EVA1C: variants seen among roughly 807,000 people sequenced by gnomAD.
EVA1C encodes the protein eva-1 homolog C.
A neutral mutation model predicts 45.4 loss-of-function variants in EVA1C; 25 were observed. That is an observed-to-expected ratio of 0.55 (90% confidence interval 0.40 to 0.77). EVA1C has a LOEUF of 0.77. Ranked by LOEUF, EVA1C falls within the 30% of genes least tolerant of loss-of-function variation. EVA1C has a pLI of 0.00. For synonymous variants in EVA1C, 190 were observed against 221.2 expected, an observed-to-expected ratio of 0.86 and a Z score of 1.25; for missense variants, 479 against 554.8, an observed-to-expected ratio of 0.86 and a Z score of 1.37.
intron 1 of EVA1C, among the ~76,000 whole-genome samples, chr21:32,433,901 G>A (rs372746648): frequency 2.0e-3 from 73 of 36,382 alleles, no homozygotes; most frequent in East Asian, 0.019. Flanking sequence ...GCTCATGCCT[G>A]CAATCCTAGC....
At chr21:32,488,418 A>G (rs537785975) in intron 4 of EVA1C, among the ~76,000 whole-genome samples, 1 of 152,176 alleles carries the variant, frequency 6.6e-6, no homozygotes, top group South Asian at 2.1e-4. Flanking sequence ...ATTCCCACCA[A>G]TAGTGCAGAT....
At chr21:32,475,805 A>T (rs960211193) in intron 4 of EVA1C, among the ~76,000 whole-genome samples, 2 of 152,096 alleles carry the variant, frequency 1.3e-5, no homozygotes, top group African/African-American at 4.8e-5. Context: ...CCTTGGAATA[A>T]ATTCCCGGAA....
At chr21:32,420,877 A>G (rs2034242594) in intron 1 of EVA1C, among the ~76,000 whole-genome samples, 1 of 152,236 alleles carries the variant, frequency 6.6e-6, no homozygotes, top group Non-Finnish European at 1.5e-5. Flanking sequence ...TAGCCTTTCT[A>G]ATACCAAGGG....
intron 4 of EVA1C, among the ~76,000 whole-genome samples, chr21:32,489,993 G>T (rs2037102435): frequency 6.6e-6 from 1 of 152,024 alleles, no homozygotes; most frequent in African/African-American, 2.4e-5. Context: ...TAGTAGAGAT[G>T]GGGTTTCACC....
chr21:32,503,721 C>G (rs2037632681), intron 6 of EVA1C, among the ~76,000 whole-genome samples: 1 of 152,098 alleles, frequency 6.6e-6, no homozygotes, highest in African/African-American at 2.4e-5. Flanking sequence ...CCTTTTTGTA[C>G]TTTAATATTG....
At chr21:32,444,613 G>A (rs1413581300) in intron 1 of EVA1C, among the ~76,000 whole-genome samples, 2 of 152,098 alleles carry the variant, frequency 1.3e-5, no homozygotes, top group Non-Finnish European at 2.9e-5. Context: ...CAGTTCTTTT[G>A]GATTTTTATA....
At chr21:32,443,552 T>TA (rs944198764) in intron 1 of EVA1C, among the ~76,000 whole-genome samples, 4 of 151,308 alleles carry the variant, frequency 2.6e-5, no homozygotes, top group African/African-American at 4.9e-5. Flanking sequence ...AACAAACAAA[T>TA]AAAAAAACCC....
chr21:32,467,447 A>T (rs1165970473), intron 3 of EVA1C, among the ~76,000 whole-genome samples: 1 of 151,792 alleles, frequency 6.6e-6, no homozygotes, highest in African/African-American at 2.4e-5. Context: ...TAACGCCAGC[A>T]CCTCTCCTCC....
chr21:32,494,309 CAG>C, intron 4 of EVA1C, among the ~76,000 whole-genome samples: 1 of 152,320 alleles, frequency 6.6e-6, no homozygotes. Flanking sequence ...ATGAACAAAA[CAG>C]AAATAGTCTC....
At chr21:32,470,483 G>A (rs7276504) in intron 4 of EVA1C, among the ~76,000 whole-genome samples, 24,632 of 152,138 alleles carry the variant, frequency 0.16, 2,242 homozygotes, top group Admixed American at 0.23. Context: ...AGAGAGGCAC[G>A]TGTGAGGTGG....
chr21:32,434,148 T>C (rs1035312959), intron 1 of EVA1C, among the ~76,000 whole-genome samples: 5 of 151,302 alleles, frequency 3.3e-5, no homozygotes, highest in African/African-American at 1.2e-4. Context: ...ACAAAAAAAT[T>C]AGCTGGGCAT....
chr21:32,435,730 T>C (rs2034920215), intron 1 of EVA1C, among the ~76,000 whole-genome samples: 1 of 152,280 alleles, frequency 6.6e-6, no homozygotes, highest in African/African-American at 2.4e-5. Flanking sequence ...GGCCCCCTTA[T>C]TCAAAAATCA....
chr21:32,499,449 C>T (rs1601036411), intron 5 of EVA1C, among the ~76,000 whole-genome samples: 2 of 152,188 alleles, frequency 1.3e-5, no homozygotes, highest in African/African-American at 2.4e-5. Context: ...GCAACTTCAC[C>T]GGGCTTCCCT....
chr21:32,485,944 G>A (rs966052201), intron 4 of EVA1C, among the ~76,000 whole-genome samples: 2 of 152,146 alleles, frequency 1.3e-5, no homozygotes, highest in African/African-American at 2.4e-5. Flanking sequence ...TAGGCAGCTC[G>A]CTTCCAGTGA....
intron 1 of EVA1C, among the ~76,000 whole-genome samples, chr21:32,427,051 G>A (rs1340281418): frequency 6.6e-6 from 1 of 152,188 alleles, no homozygotes; most frequent in African/African-American, 2.4e-5. Flanking sequence ...TCAAGTGGGT[G>A]ATGTACGAAT....
chr21:32,481,334 TGAA>T lies in EVA1C; in HGVS notation c.634+13491_634+13493del, dbSNP rs1307840045. ...TTTCTACTTAGGGAGAGGAATTCAG[TGAA>T]GAAGGGGCTAGTTTTAGGCCACTTA... On this transcript the variant is annotated intron_variant, in intron 4 of 7. Coordinates refer to ENST00000300255, the MANE Select transcript of EVA1C (RefSeq NM_058187.5). 3.9e-5 allele frequency among the ~76,000 whole-genome samples: 6 copies of T among 152,032 alleles called. No homozygotes were observed. In the East Asian group the frequency reaches 1.2e-3, roughly 29 times the overall value.
At chr21:32,475,812 G>A (rs926937603) in intron 4 of EVA1C, among the ~76,000 whole-genome samples, 5 of 152,016 alleles carry the variant, frequency 3.3e-5, no homozygotes, top group South Asian at 2.1e-4. Flanking sequence ...ATAAATTCCC[G>A]GAAGTTTTAT....
intron 4 of EVA1C, among the ~76,000 whole-genome samples, chr21:32,468,317 C>G (rs960519711): frequency 6.6e-6 from 1 of 151,392 alleles, no homozygotes; most frequent in Admixed American, 6.6e-5. Flanking sequence ...TGCAGTGAGC[C>G]GAGATCGTGC....
intron 7 of EVA1C, among the ~76,000 whole-genome samples, chr21:32,504,915 G>T (rs2037675558): frequency 2.6e-5 from 4 of 151,934 alleles, no homozygotes; most frequent in Admixed American, 6.6e-5. Context: ...TGGTTAGGGA[G>T]GCCTAACAAT....
Sources: allele counts gnomAD v4.1 joint callset (sites outside exome capture counted in the v4.1 genomes callset), GRCh38; gene constraint gnomAD v4.1.1; transcripts MANE v1.5; gene names NCBI Gene and HGNC (gene_info 2026-07-23, HGNC 2026-07-21).